Variants in CDC14A observed in about 807,000 individuals in gnomAD.
CDC14A encodes the protein dual specificity protein phosphatase CDC14A.
CDC14A carries 53 observed loss-of-function variants against 74.4 expected under a neutral mutation model. The observed-to-expected ratio is 0.71, with a 90% CI of 0.57 to 0.89. The LOEUF is 0.89. Among genes scored for constraint, CDC14A ranks in the 40% least tolerant of loss-of-function variants. The pLI, the probability that CDC14A is intolerant of heterozygous loss-of-function variation, is 0.00. For missense variants in CDC14A, 646 were observed against 713.7 expected, an observed-to-expected ratio of 0.91 and a Z score of 1.08; for synonymous variants, 247 against 258.4, an observed-to-expected ratio of 0.96 and a Z score of 0.43.
At chr1:100,416,030 A>C (rs1001465443) in intron 4 of CDC14A, among the ~76,000 whole-genome samples, 9 of 152,192 alleles carry the variant, frequency 5.9e-5, no homozygotes, top group African/African-American at 2.2e-4. Context: ...TTAGGAAAAA[A>C]CAGTTTATAA....
chr1:100,499,899 G>A (rs562985648), intron 15 of CDC14A, among the ~76,000 whole-genome samples: 15 of 152,122 alleles, frequency 9.9e-5, no homozygotes, highest in Non-Finnish European at 1.8e-4. Context: ...AGCAAGCAGA[G>A]TATCAGGAAG....
intron 11 of CDC14A, among the ~76,000 whole-genome samples, chr1:100,493,735 C>A (rs78483182): frequency 2.6e-5 from 4 of 152,164 alleles, no homozygotes; most frequent in Non-Finnish European, 5.9e-5. Flanking sequence ...TTCTTTCTTT[C>A]CCACTGGCCT....
At chr1:100,504,796 T>C (rs575276584) in intron 15 of CDC14A, 8 of 1,530,426 alleles carry the variant, frequency 5.2e-6, no homozygotes, top group Admixed American at 2.0e-5. Flanking sequence ...CTTATTCTCT[T>C]GTTTTCTTCT....
chr1:100,435,080 GT>G (rs369919587), intron 5 of CDC14A, among the ~76,000 whole-genome samples: 25 of 152,316 alleles, frequency 1.6e-4, no homozygotes, highest in African/African-American at 5.8e-4. Context: ...AACTATCCGG[GT>G]GATGCCAATA....
At chr1:100,507,751 C>T (rs1649366266) in intron 15 of CDC14A, among the ~76,000 whole-genome samples, 1 of 152,112 alleles carries the variant, frequency 6.6e-6, no homozygotes, top group Admixed American at 6.5e-5. Context: ...GCAACCTCCA[C>T]CTCCCAGGTT....
At chr1:100,470,268 T>C (rs1043023702) in intron 10 of CDC14A, among the ~76,000 whole-genome samples, 1 of 152,048 alleles carries the variant, frequency 6.6e-6, no homozygotes, top group Non-Finnish European at 1.5e-5. Context: ...ATAGAAACTT[T>C]CAATAAACTA....
intron 14 of CDC14A, among the ~76,000 whole-genome samples, 185 bp downstream of exon 14, chr1:100,498,392 G>A (rs1471062410): frequency 6.6e-6 from 1 of 152,182 alleles, no homozygotes; most frequent in Non-Finnish European, 1.5e-5. Flanking sequence ...AGGTTGTGGA[G>A]GGAATGGTGC....
At chr1:100,473,663 C>T (rs971050998) in intron 10 of CDC14A, among the ~76,000 whole-genome samples, 9 of 152,184 alleles carry the variant, frequency 5.9e-5, no homozygotes, top group Admixed American at 2.0e-4. Context: ...GCTGGGATTA[C>T]AGGTGTGAGC....
intron 2 of CDC14A, among the ~76,000 whole-genome samples, chr1:100,369,519 T>C (rs1654136687): frequency 6.6e-6 from 1 of 152,210 alleles, no homozygotes. Flanking sequence ...GTTAGGTGCT[T>C]GTGTTTCTTC....
intron 9 of CDC14A, among the ~76,000 whole-genome samples, chr1:100,465,230 G>A (rs1221685252): frequency 2.0e-5 from 3 of 152,024 alleles, no homozygotes; most frequent in East Asian, 1.9e-4. Context: ...CCCAAAGTGC[G>A]GGGATTACAG....
chr1:100,430,580 T>C (rs1179107465), intron 5 of CDC14A, among the ~76,000 whole-genome samples: 1 of 152,198 alleles, frequency 6.6e-6, no homozygotes, highest in Non-Finnish European at 1.5e-5. Context: ...AAACAAAGGC[T>C]CAAAAAGTTG....
At chr1:100,480,746 A>G (rs1243468801) in intron 10 of CDC14A, among the ~76,000 whole-genome samples, 1 of 152,226 alleles carries the variant, frequency 6.6e-6, no homozygotes, top group Non-Finnish European at 1.5e-5. Flanking sequence ...GCAGTAAGAA[A>G]GTAAGCAGTG....
In CDC14A at chr1:100,416,954, C is replaced by G. The variant is rs191348933; in HGVS notation, c.310-7268C>G. ...ATAAAACGCCCACTATTTGTGCAATCGTCCATCATTTTTTGAGTGTGTGCT... is the reference window on the plus strand; with the variant it reads ...ATAAAACGCCCACTATTTGTGCAATGGTCCATCATTTTTTGAGTGTGTGCT... On this transcript the variant is annotated intron_variant, in intron 4 of 15. Coordinates refer to ENST00000336454, the MANE Select transcript of CDC14A (RefSeq NM_003672.4). 2.3e-4 allele frequency among the ~76,000 whole-genome samples: 35 copies of G among 152,252 alleles called. No individual in the cohort carries two copies. In the East Asian group the frequency reaches 3.7e-3, roughly 16 times the overall value.
Position 100,439,957 on chromosome 1 carries a change from T to TAC in CDC14A, c.417_418dup (p.Asn140ThrfsTer51). On this transcript the variant is annotated frameshift_variant, in exon 6 of 16. Coordinates refer to ENST00000336454, the MANE Select transcript of CDC14A (RefSeq NM_003672.4). LOFTEE classifies it high-confidence loss of function. Reference sequence around the variant, plus strand: ...GGATGCTTCCTTTGGAAATTGCACTTACAATCTCACCATTCTCGACTGTTT... The same window carrying TAC: ...GGATGCTTCCTTTGGAAATTGCACTTACACAATCTCACCATTCTCGACTGTTT... The TAC allele has an allele frequency of 6.2e-7, 1 of 1,613,408 alleles. No individual in the cohort carries two copies.
At chr1:100,490,954 C>G (rs184531470) in intron 11 of CDC14A, among the ~76,000 whole-genome samples, 1 of 152,242 alleles carries the variant, frequency 6.6e-6, no homozygotes. Flanking sequence ...ATGGTACAGC[C>G]TTTTGGAGGG....
intron 5 of CDC14A, among the ~76,000 whole-genome samples, chr1:100,425,167 C>CAAAT (rs1662810435): frequency 6.6e-6 from 1 of 152,042 alleles, no homozygotes; most frequent in Admixed American, 6.6e-5. Context: ...TACCGTTTCT[C>CAAAT]AAATAAATAA....
chr1:100,479,692 G>A (rs1313279596), intron 10 of CDC14A, among the ~76,000 whole-genome samples: 4 of 152,086 alleles, frequency 2.6e-5, no homozygotes, highest in African/African-American at 9.7e-5. Flanking sequence ...TACTGCATAG[G>A]TTTGAGTTTA....
intron 15 of CDC14A, 160 bp downstream of exon 15, chr1:100,499,422 A>C: frequency 6.5e-7 from 1 of 1,530,266 alleles, no homozygotes; most frequent in Non-Finnish European, 8.8e-7. Context: ...TATGCACTAC[A>C]TTCTGCTAGC....
At chr1:100,450,365 T>C (rs1571221907) in intron 7 of CDC14A, among the ~76,000 whole-genome samples, 5 of 152,314 alleles carry the variant, frequency 3.3e-5, no homozygotes, top group Admixed American at 3.3e-4. Context: ...TAAAATGTAA[T>C]CTGGATGCTG....
Sources: gnomAD v4.1 joint callset for allele counts (sites outside exome capture counted in the v4.1 genomes callset) on GRCh38, gnomAD v4.1.1 for gene constraint, MANE v1.5 for transcripts, NCBI Gene and HGNC (gene_info 2026-07-23, HGNC 2026-07-21) for gene names.